Variants in AGMO observed in about 807,000 individuals in gnomAD.
AGMO encodes the protein alkylglycerol monooxygenase.
Under a neutral mutation model 60.2 loss-of-function variants are expected in AGMO, and 75 were observed. That is an observed-to-expected ratio of 1.25 (90% confidence interval 1.03 to 1.51). AGMO has a LOEUF of 1.51. Among genes scored for constraint, AGMO ranks in the 40% most tolerant of loss-of-function variants. The pLI is 0.00. For synonymous variants in AGMO, 261 were observed against 177.1 expected, an observed-to-expected ratio of 1.47 and a Z score of -3.76; for missense variants, 763 against 525.5, an observed-to-expected ratio of 1.45 and a Z score of -4.42.
chr7:15,137,370 G>C, the AGMO span, among the ~76,000 whole-genome samples: 5 of 152,182 alleles, frequency 3.3e-5, no homozygotes, highest in East Asian at 9.7e-4. Context: ...ATTTCTCTTT[G>C]ATTTTTATTT....
At chr7:15,296,629 GCAT>G (rs1267462935) in intron 12 of AGMO, among the ~76,000 whole-genome samples, 1 of 152,080 alleles carries the variant, frequency 6.6e-6, no homozygotes. Context: ...GTAATAATAA[GCAT>G]AATAACAGCA....
chr7:15,366,246 A>T, intron 10 of AGMO, 24 bp from the exon 11 acceptor site: 1 of 1,564,208 alleles, frequency 6.4e-7, no homozygotes, highest in Non-Finnish European at 8.7e-7. Context: ...ACGGAGATCA[A>T]TGGAGCCGTT....
Position 15,204,886 on chromosome 7 carries a change from T to C in AGMO, c.1264-3527A>G, listed in dbSNP as rs542225578. 1.5e-3 allele frequency among the ~76,000 whole-genome samples: 232 copies of C among 152,266 alleles called. 1 individual carries two copies. The highest frequency in any genetic ancestry group is 2.4e-3 in the Admixed American group (37 of 15,288). On this transcript the variant is annotated intron_variant, in intron 12 of 12. Coordinates refer to ENST00000342526, the MANE Select transcript of AGMO (RefSeq NM_001004320.2). ...GTTGCTTTTGTTTTAAGAGACAAGGTCTTGCTATGTTGCCCAAACTGGACT... is the reference window on the plus strand; with the variant it reads ...GTTGCTTTTGTTTTAAGAGACAAGGCCTTGCTATGTTGCCCAAACTGGACT...
At chr7:15,192,790 A>G in the AGMO span, among the ~76,000 whole-genome samples, 1 of 151,996 alleles carries the variant, frequency 6.6e-6, no homozygotes, top group Admixed American at 6.6e-5. Flanking sequence ...CCCCTCCCAT[A>G]AGGAGTTTGA....
intron 3 of AGMO, among the ~76,000 whole-genome samples, chr7:15,492,777 G>A (rs897311360): frequency 1.3e-5 from 2 of 152,170 alleles, no homozygotes; most frequent in East Asian, 1.9e-4. Context: ...GGAAGGTGGG[G>A]AGAAAGAGAA....
At chr7:15,351,197 TG>T (rs1293762314) in intron 12 of AGMO, among the ~76,000 whole-genome samples, 2 of 152,136 alleles carry the variant, frequency 1.3e-5, no homozygotes, top group African/African-American at 4.8e-5. Flanking sequence ...GTCTGCATAA[TG>T]GGAAAGGGTC....
chr7:15,367,112 CTCAG>C (rs912226983), intron 10 of AGMO, among the ~76,000 whole-genome samples: 18 of 151,974 alleles, frequency 1.2e-4, no homozygotes, highest in African/African-American at 3.4e-4. Flanking sequence ...TTTTTGGACT[CTCAG>C]TCAAAGGACT....
Position 15,560,278 on chromosome 7 carries a change from A to C in AGMO, c.127-7T>G. The C allele has an allele frequency of 1.2e-6, 2 of 1,611,080 alleles. No homozygotes were observed. The highest frequency in any genetic ancestry group is 1.7e-6 in the Non-Finnish European group (2 of 1,178,020). On this transcript the variant is annotated splice_region_variant and splice_polypyrimidine_tract_variant and intron_variant, in intron 1 of 12. Coordinates refer to ENST00000342526, the MANE Select transcript of AGMO (RefSeq NM_001004320.2). Reference sequence around the variant, plus strand: ...AAATGAAAAATGGAGTTGCCTGGAAAGGAAGTTGCAGAAAAGAGATGCTAT... The same window carrying C: ...AAATGAAAAATGGAGTTGCCTGGAACGGAAGTTGCAGAAAAGAGATGCTAT...
At chr7:15,266,487 G>C (rs898224183) in intron 12 of AGMO, among the ~76,000 whole-genome samples, 1 of 151,962 alleles carries the variant, frequency 6.6e-6, no homozygotes, top group East Asian at 1.9e-4. Context: ...TTTACTAAAT[G>C]AAAGTGTTTC....
chr7:15,323,900 G>A (rs1471516705), intron 12 of AGMO, among the ~76,000 whole-genome samples: 6 of 152,192 alleles, frequency 3.9e-5, no homozygotes, highest in Non-Finnish European at 8.8e-5. Context: ...GCAAGGGTTT[G>A]AAACGTCAAT....
At chr7:15,429,460 A>T (rs986503267) in intron 4 of AGMO, among the ~76,000 whole-genome samples, 3 of 150,964 alleles carry the variant, frequency 2.0e-5, no homozygotes, top group African/African-American at 7.4e-5. Context: ...AAGAGAGAGA[A>T]CCAGAAAAGA....
At chr7:15,392,816 A>C (rs1364649184) in intron 6 of AGMO, among the ~76,000 whole-genome samples, 1 of 151,930 alleles carries the variant, frequency 6.6e-6, no homozygotes, top group Non-Finnish European at 1.5e-5. Context: ...ACAAACAAAC[A>C]AACAAACAAA....
intron 10 of AGMO, 79 bp from the exon 11 acceptor site, chr7:15,366,301 C>A: frequency 9.5e-7 from 1 of 1,055,508 alleles, no homozygotes; most frequent in Non-Finnish European, 1.4e-6. Context: ...GCTTACAAAA[C>A]AGCCCAAATT....
At chr7:15,240,848 T>C (rs1035321307) in intron 12 of AGMO, among the ~76,000 whole-genome samples, 6 of 152,004 alleles carry the variant, frequency 3.9e-5, no homozygotes, top group Non-Finnish European at 5.9e-5. Context: ...TTAATTCTTA[T>C]AACATCTAGG....
At position 15,485,815 on chromosome 7, in the gene AGMO, C is replaced by G. The variant is rs536910071; in HGVS notation, c.410-54707G>C. Among the ~76,000 whole-genome samples the G allele has an allele frequency of 1.1e-4, 16 of 152,028 alleles. No homozygotes were observed. In the South Asian group the frequency reaches 3.1e-3, roughly 30 times the overall value. On this transcript the variant is annotated intron_variant, in intron 3 of 12. Transcript: ENST00000342526. ...ATTTTTGTTTACCAACAAGGCTGCTCTCTCGGTGAAGCATTTTTTCTTTCC... is the reference window on the plus strand; with the variant it reads ...ATTTTTGTTTACCAACAAGGCTGCTGTCTCGGTGAAGCATTTTTTCTTTCC...
intron 12 of AGMO, among the ~76,000 whole-genome samples, chr7:15,241,276 C>T (rs1047163337): frequency 1.2e-4 from 18 of 150,944 alleles, no homozygotes; most frequent in East Asian, 5.9e-4. Flanking sequence ...CTGGCTAACA[C>T]GGTGAAACCC....
At chr7:15,234,783 A>G (rs1241046810) in intron 12 of AGMO, among the ~76,000 whole-genome samples, 1 of 152,238 alleles carries the variant, frequency 6.6e-6, no homozygotes, top group Non-Finnish European at 1.5e-5. Flanking sequence ...TTTGAATTTT[A>G]CATCATTTCA....
chr7:15,375,347 G>C (rs559195553), intron 10 of AGMO, among the ~76,000 whole-genome samples: 14 of 149,304 alleles, frequency 9.4e-5, no homozygotes, highest in Admixed American at 2.0e-4. Flanking sequence ...GATGTTAAAA[G>C]ACTGTTTCAG....
chr7:15,354,425 C>CACGCGTGTGTAT (rs1782411024), intron 12 of AGMO, among the ~76,000 whole-genome samples: 9 of 23,196 alleles, frequency 3.9e-4, no homozygotes, highest in Admixed American at 4.6e-4. Flanking sequence ...TGTGTATACA[C>CACGCGTGTGTAT]ACACGTGTGT....
Sources: allele counts gnomAD v4.1 joint callset (sites outside exome capture counted in the v4.1 genomes callset), GRCh38; gene constraint gnomAD v4.1.1; transcripts MANE v1.5; gene names NCBI Gene and HGNC (gene_info 2026-07-23, HGNC 2026-07-21).